GPAT4: variants seen among roughly 807,000 people sequenced by gnomAD.
The protein encoded by GPAT4 is glycerol-3-phosphate acyltransferase 4.
A neutral mutation model predicts 58.0 loss-of-function variants in GPAT4; 17 were observed. The observed-to-expected ratio is 0.29, with a 90% confidence interval of 0.20 to 0.44. GPAT4 has a LOEUF of 0.44. Among genes scored for constraint, GPAT4 ranks in the 20% least tolerant of loss-of-function variants. The pLI is 1.00. For missense variants in GPAT4, 377 were observed against 574.5 expected, an observed-to-expected ratio of 0.66 and a Z score of 3.51; for synonymous variants, 204 against 210.1, an observed-to-expected ratio of 0.97 and a Z score of 0.25.
intron 5 of GPAT4, 42 bp from the exon 6 acceptor site, chr8:41,611,861 G>A (rs374050884): frequency 1.4e-5 from 22 of 1,585,194 alleles, no homozygotes; most frequent in Non-Finnish European, 1.8e-5. Flanking sequence ...CTGTCTTCCT[G>A]TATGTAAAAT....
chr8:41,614,862 A>G (rs775031323), intron 9 of GPAT4, 101 bp from the exon 10 acceptor site: 66 of 939,540 alleles, frequency 7.0e-5, no homozygotes, highest in Non-Finnish European at 1.0e-4. Context: ...TGGAGGAACC[A>G]TTAGAAGAAT....
intron 10 of GPAT4, 144 bp downstream of exon 10, chr8:41,615,192 G>A: frequency 2.9e-6 from 2 of 687,888 alleles, no homozygotes; most frequent in East Asian, 2.8e-5. Context: ...GTTGACGTGG[G>A]TCAAGTGCTG....
chr8:41,610,082 A>G (rs1803398415), intron 4 of GPAT4, 127 bp downstream of exon 4: 2 of 1,486,726 alleles, frequency 1.3e-6, no homozygotes, highest in South Asian at 2.8e-5. Context: ...TAGCCAGGCC[A>G]CGTGACTCTT....
At chr8:41,602,736 C>T (rs552875653) in intron 2 of GPAT4, among the ~76,000 whole-genome samples, 1 of 152,242 alleles carries the variant, frequency 6.6e-6, no homozygotes, top group East Asian at 1.9e-4. Flanking sequence ...ATTTAGGCTG[C>T]TATAACGAAC....
intron 1 of GPAT4, among the ~76,000 whole-genome samples, chr8:41,578,807 C>T (rs1008616607): frequency 6.6e-6 from 1 of 152,210 alleles, no homozygotes; most frequent in Non-Finnish European, 1.5e-5. Flanking sequence ...TTTCAGCACC[C>T]TCTGAGGCAT....
chr8:41,602,356 C>T (rs1007181012), intron 2 of GPAT4, among the ~76,000 whole-genome samples: 2 of 152,338 alleles, frequency 1.3e-5, no homozygotes, highest in Non-Finnish European at 2.9e-5. Context: ...CTCCTTCCTT[C>T]CTTAGAGGTG....
At chr8:41,599,354 C>T in intron 2 of GPAT4, 50 bp downstream of exon 2, 1 of 1,585,374 alleles carries the variant, frequency 6.3e-7, no homozygotes, top group Non-Finnish European at 8.6e-7. Context: ...GGTAGAAGTG[C>T]ATTTAGCAAA....
Position 41,623,732 on chromosome 8 carries a change from A to G in GPAT4, c.*2731A>G, listed in dbSNP as rs1174733955. ...GTGACCTCAAGGGCTTTAGGCAGCC[A>G]TGGGGCTGGGGCCATACTGCTCTCA... On this transcript the variant is annotated 3_prime_UTR_variant, in exon 13 of 13. Transcript: ENST00000396987. 1 of 152,216 alleles carries G rather than the reference A, an allele frequency of 6.6e-6. No homozygotes were observed. Among genetic ancestry groups the G allele is most frequent in the African/African-American group, 2.4e-5 (1 of 41,442 alleles). The allele number at this position is 152,216 out of a possible 1,614,324, so 9.4% of individuals were successfully genotyped here.
chr8:41,610,480 C>T (rs1803408418), intron 4 of GPAT4: 5 of 1,337,596 alleles, frequency 3.7e-6, no homozygotes, highest in Admixed American at 3.3e-5. Context: ...TAGGGTTTTC[C>T]AGCCTTCCAG....
chr8:41,588,570 ATTTTCCTTGTC>A (rs550105241), intron 1 of GPAT4, among the ~76,000 whole-genome samples: 116 of 139,876 alleles, frequency 8.3e-4, no homozygotes, highest in African/African-American at 2.9e-3. Context: ...CCAAGAGTGT[ATTTTCCTTGTC>A]AACAGTCATC....
In GPAT4 at chr8:41,614,387, C is replaced by T; in HGVS notation, c.913C>T (p.Leu305=). 6.2e-7 allele frequency: 1 copy of T among 1,613,744 alleles called. No homozygotes were observed. The highest frequency in any genetic ancestry group is 1.3e-5 in the African/African-American group (1 of 75,004). The change falls in exon 9 of 13, where the codon CTG becomes TTG. Residue 305 remains leucine, a splice_region_variant and synonymous_variant. Transcript: ENST00000396987. ...TTATTTTATTTTCTTCTTTGAAAGA[C>T]TGACTGAACATGTGCAAGATAAAAG... is the stretch of plus-strand genomic sequence containing the variant. ...VKDRHLVAKR[L]TEHVQDKSKL... is the part of the protein sequence containing the mutation.
chr8:41,581,577 A>T (rs1802508453), intron 1 of GPAT4, among the ~76,000 whole-genome samples: 1 of 151,164 alleles, frequency 6.6e-6, no homozygotes, highest in African/African-American at 2.4e-5. Flanking sequence ...TCAGCCTCCC[A>T]AAGGGTCGGA....
At chr8:41,587,858 G>A (rs964047186) in intron 1 of GPAT4, among the ~76,000 whole-genome samples, 1 of 152,184 alleles carries the variant, frequency 6.6e-6, no homozygotes, top group Non-Finnish European at 1.5e-5. Context: ...TCTTTGTAGA[G>A]GTTGAACCCT....
In GPAT4 at chr8:41,621,214, T is replaced by G. The variant is rs1585680422; in HGVS notation, c.*213T>G. The G allele has an allele frequency of 1.6e-6, 1 of 635,462 alleles. No individual in the cohort carries two copies. The highest frequency in any genetic ancestry group is 2.0e-5 in the South Asian group (1 of 48,916). 39.4% of individuals were successfully genotyped at this position (635,462 alleles called of 1,614,324 possible). A position where few individuals can be genotyped will look rare whatever the true frequency, so the allele number is the denominator to read the frequency against. ...GGTGGTCTAAACGGATGCTGCTGGG[T>G]GTTGCGACCCAGGACGAGATGCCTT... On this transcript the variant is annotated 3_prime_UTR_variant, in exon 13 of 13. Coordinates refer to ENST00000396987, the MANE Select transcript of GPAT4 (RefSeq NM_178819.4).
At chr8:41,579,836 C>CAA (rs71230848) in intron 1 of GPAT4, among the ~76,000 whole-genome samples, 3 of 140,060 alleles carry the variant, frequency 2.1e-5, no homozygotes, top group Non-Finnish European at 3.1e-5. Context: ...AGACTCGTGT[C>CAA]AAAAAAAAAA....
chr8:41,585,042 T>C (rs1424362028), intron 1 of GPAT4: 1 of 152,134 alleles, frequency 6.6e-6, no homozygotes, highest in East Asian at 1.9e-4. Flanking sequence ...GTCAACTGAG[T>C]CGCTCTGAGA....
chr8:41,603,046 A>C (rs964502523), intron 2 of GPAT4, among the ~76,000 whole-genome samples: 1 of 152,264 alleles, frequency 6.6e-6, no homozygotes, highest in African/African-American at 2.4e-5. Context: ...ATGAATTTTG[A>C]GGGGACATAA....
chr8:41,606,800 G>C (rs1479815289), intron 2 of GPAT4, among the ~76,000 whole-genome samples: 4 of 152,094 alleles, frequency 2.6e-5, no homozygotes. Context: ...AAACCTCACA[G>C]ATAGCAGCCC....
intron 10 of GPAT4, among the ~76,000 whole-genome samples, chr8:41,616,216 T>G (rs1274378341): frequency 6.6e-6 from 1 of 152,166 alleles, no homozygotes; most frequent in African/African-American, 2.4e-5. Flanking sequence ...CAGCAGCTCT[T>G]GAACTTAGGC....
Sources: allele counts gnomAD v4.1 joint callset (sites outside exome capture counted in the v4.1 genomes callset), GRCh38; gene constraint gnomAD v4.1.1; transcripts MANE v1.5; gene names NCBI Gene and HGNC (gene_info 2026-07-23, HGNC 2026-07-21).